ASIC2: variants seen among roughly 807,000 people sequenced by gnomAD.
ASIC2 encodes the protein acid sensing ion channel subunit 2.
ASIC2 carries 25 observed loss-of-function variants against 57.3 expected under a neutral mutation model. The observed-to-expected ratio is 0.44, with a 90% CI of 0.32 to 0.61. ASIC2 has a LOEUF of 0.61. Ranked by LOEUF, ASIC2 falls within the 20% of genes least tolerant of loss-of-function variation. ASIC2 has a pLI of 0.06. For missense variants in ASIC2, 641 were observed against 738.1 expected (o/e 0.87, Z 1.52); for synonymous variants, 319 against 307.5 (o/e 1.04, Z -0.39).
At chr17:34,085,703 C>T (rs951455602) in intron 1 of ASIC2, among the ~76,000 whole-genome samples, 6 of 152,078 alleles carry the variant, frequency 3.9e-5, no homozygotes, top group African/African-American at 1.2e-4. Context: ...TTGATTATTG[C>T]CACAATTTCA....
intron 1 of ASIC2, among the ~76,000 whole-genome samples, chr17:33,441,782 G>T (rs984523182): frequency 6.6e-6 from 1 of 152,086 alleles, no homozygotes; most frequent in Non-Finnish European, 1.5e-5. Context: ...TACCCCTTTT[G>T]TCCAATCATA....
At chr17:33,578,353 C>A (rs1292575777) in intron 1 of ASIC2, among the ~76,000 whole-genome samples, 1 of 152,128 alleles carries the variant, frequency 6.6e-6, no homozygotes, top group East Asian at 1.9e-4. Context: ...ATTCTCTGAG[C>A]CTTAATTTTT....
In ASIC2 at chr17:33,703,144, T is replaced by C. The variant is rs146701941; in HGVS notation, c.555+452834A>G. On this transcript the variant is annotated intron_variant, in intron 1 of 9. Coordinates refer to the ASIC2 transcript ENST00000359872. ...TGGGATAGCAAGTGCAAAGTTCCTT[T>C]GGTTTGTTTGAAGAATGGAAAGAAC... is the stretch of plus-strand genomic sequence containing the variant. Among the ~76,000 whole-genome samples the C allele has an allele frequency of 5.5e-3, 843 of 152,254 alleles. 10 individuals carry two copies. Among genetic ancestry groups the C allele is most frequent in the African/African-American group, 0.018 (734 of 41,542 alleles).
intron 1 of ASIC2, among the ~76,000 whole-genome samples, chr17:33,911,720 T>C (rs1201488326): frequency 6.6e-6 from 1 of 152,210 alleles, no homozygotes; most frequent in Non-Finnish European, 1.5e-5. Context: ...CCTTGGTGTG[T>C]GCAATGAAAT....
At chr17:33,659,789 G>A (rs182225401) in intron 1 of ASIC2, among the ~76,000 whole-genome samples, 4,298 of 151,326 alleles carry the variant, frequency 0.028, 184 homozygotes, top group African/African-American at 0.097. Context: ...GGAGAATGGC[G>A]TGAACCCAGG....
intron 1 of ASIC2, among the ~76,000 whole-genome samples, chr17:33,615,835 A>G (rs565718409): frequency 6.6e-6 from 1 of 152,234 alleles, no homozygotes; most frequent in African/African-American, 2.4e-5. Flanking sequence ...CTCTGGGGGC[A>G]TAACCTTGGC....
At chr17:33,150,869 A>AG (rs1904762423) in intron 1 of ASIC2, among the ~76,000 whole-genome samples, 1 of 147,532 alleles carries the variant, frequency 6.8e-6, no homozygotes, top group South Asian at 2.2e-4. Context: ...AAAAAAAAAA[A>AG]AAATACAAAA....
intron 1 of ASIC2, among the ~76,000 whole-genome samples, chr17:33,477,295 C>A (rs1913261845): frequency 6.6e-6 from 1 of 152,056 alleles, no homozygotes; most frequent in Admixed American, 6.5e-5. Flanking sequence ...CCTATTAGAA[C>A]TTCATTTTTT....
At chr17:33,645,236 T>A (rs554472631) in intron 1 of ASIC2, among the ~76,000 whole-genome samples, 1 of 152,224 alleles carries the variant, frequency 6.6e-6, no homozygotes, top group African/African-American at 2.4e-5. Context: ...TGGAGATGAA[T>A]CCCTGGGCTC....
chr17:33,724,771 G>A (rs1428672046), intron 1 of ASIC2, among the ~76,000 whole-genome samples: 2 of 152,088 alleles, frequency 1.3e-5, no homozygotes, highest in Non-Finnish European at 2.9e-5. Context: ...TGTTCAAGAG[G>A]TGGTTGACTA....
intron 1 of ASIC2, among the ~76,000 whole-genome samples, chr17:33,594,010 C>A (rs1028252664): frequency 2.0e-5 from 3 of 152,254 alleles, no homozygotes; most frequent in African/African-American, 7.2e-5. Flanking sequence ...CCTATTCCAG[C>A]CAAGTCCCAA....
intron 1 of ASIC2, among the ~76,000 whole-genome samples, chr17:33,662,371 A>C (rs1186618571): frequency 6.6e-6 from 1 of 152,122 alleles, no homozygotes; most frequent in African/African-American, 2.4e-5. Flanking sequence ...TTGTAATTTC[A>C]GCACTTTGGG....
chr17:33,651,346 T>A (rs1906913529), intron 1 of ASIC2, among the ~76,000 whole-genome samples: 1 of 152,210 alleles, frequency 6.6e-6, no homozygotes, highest in South Asian at 2.1e-4. Context: ...TGTGAGTCTA[T>A]AATTATTTCA....
chr17:33,296,108 T>A (rs544458724), upstream of ASIC2, among the ~76,000 whole-genome samples: 19 of 152,294 alleles, frequency 1.2e-4, no homozygotes, highest in African/African-American at 4.6e-4. Context: ...ATTATTATGA[T>A]AATAATATAA....
At chr17:33,968,716 G>A (rs373578257) in intron 1 of ASIC2, among the ~76,000 whole-genome samples, 1 of 152,138 alleles carries the variant, frequency 6.6e-6, no homozygotes, top group African/African-American at 2.4e-5. Flanking sequence ...CCCCATTACC[G>A]CCATGCCTTA....
chr17:33,625,024 C>T (rs916950872), intron 1 of ASIC2, among the ~76,000 whole-genome samples: 3 of 152,178 alleles, frequency 2.0e-5, no homozygotes, highest in South Asian at 2.1e-4. Flanking sequence ...TTGTGTGGAT[C>T]CCTTCTTCCT....
intron 1 of ASIC2, among the ~76,000 whole-genome samples, chr17:33,618,626 T>C (rs1190719155): frequency 1.3e-5 from 2 of 152,190 alleles, no homozygotes; most frequent in African/African-American, 2.4e-5. Context: ...CCACTTACGC[T>C]GTGGACATTC....
At chr17:33,260,000 C>T (rs1322850613) in intron 1 of ASIC2, among the ~76,000 whole-genome samples, 3 of 152,106 alleles carry the variant, frequency 2.0e-5, no homozygotes, top group Non-Finnish European at 2.9e-5. Flanking sequence ...TGGCTGAGTG[C>T]GGTGGTGCAC....
chr17:33,262,303 G>A (rs1909314981), intron 1 of ASIC2, among the ~76,000 whole-genome samples: 1 of 151,782 alleles, frequency 6.6e-6, no homozygotes, highest in Non-Finnish European at 1.5e-5. Context: ...AGAGAAAATA[G>A]GGAAGGGAAT....
Sources: gnomAD v4.1 joint callset for allele counts (sites outside exome capture counted in the v4.1 genomes callset) on GRCh38, gnomAD v4.1.1 for gene constraint, MANE v1.5 for transcripts, NCBI Gene and HGNC (gene_info 2026-07-23, HGNC 2026-07-21) for gene names.